HS2ST1: variants seen among roughly 807,000 people sequenced by gnomAD.
The protein encoded by HS2ST1 is heparan sulfate 2-O-sulfotransferase 1, also known as 2-O-sulfotransferase.
In HS2ST1, 18 loss-of-function variants were observed where a neutral mutation model predicts 42.9. That is an observed-to-expected ratio of 0.42 (90% CI 0.29 to 0.62). The LOEUF (loss-of-function observed/expected upper bound fraction) is 0.62. Ranked by LOEUF, HS2ST1 falls within the 20% of genes least tolerant of loss-of-function variation. The probability of loss-of-function intolerance (pLI) is 0.21; values close to 1 mark genes in which losing one functional copy is unlikely to be tolerated. For missense variants in HS2ST1, 334 were observed against 433.8 expected (o/e 0.77, Z 2.04); for synonymous variants, 146 against 152.9 (o/e 0.95, Z 0.33).
chr1:86,991,145 T>TC (rs1398581017), intron 1 of HS2ST1, among the ~76,000 whole-genome samples: 3 of 151,704 alleles, frequency 2.0e-5, no homozygotes, highest in Non-Finnish European at 4.4e-5. Flanking sequence ...GCCCAGTGGG[T>TC]ATTTCTCTTG....
chr1:86,944,307 GA>G (rs1418920235), intron 1 of HS2ST1, among the ~76,000 whole-genome samples: 1 of 152,120 alleles, frequency 6.6e-6, no homozygotes, highest in Non-Finnish European at 1.5e-5. Context: ...TTAAATGCCA[GA>G]ATGACATAAA....
In HS2ST1 at chr1:87,098,924, T is replaced by A. The variant is rs2100654985; in HGVS notation, c.686+989T>A. ...CCTCCCGAATAGCTGGGACTACAGGTGCCTGCACTACCCTGGCTAATTTTT... is the reference window on the plus strand; with the variant it reads ...CCTCCCGAATAGCTGGGACTACAGGAGCCTGCACTACCCTGGCTAATTTTT... On this transcript the variant is annotated intron_variant, in intron 5 of 6. Coordinates refer to ENST00000370550, the MANE Select transcript of HS2ST1 (RefSeq NM_012262.4). 3.3e-5 allele frequency among the ~76,000 whole-genome samples: 5 copies of A among 152,218 alleles called. No homozygotes were observed. The Middle Eastern group carries it at 0.017, about 518-fold the overall frequency.
intron 1 of HS2ST1, among the ~76,000 whole-genome samples, chr1:86,996,670 G>C (rs531633605): frequency 1.1e-4 from 16 of 152,186 alleles, no homozygotes; most frequent in Admixed American, 7.9e-4. Flanking sequence ...AGCATATGGA[G>C]AAACAGACAA....
At chr1:87,002,503 G>A (rs1218328915) in intron 1 of HS2ST1, among the ~76,000 whole-genome samples, 1 of 151,680 alleles carries the variant, frequency 6.6e-6, no homozygotes, top group African/African-American at 2.4e-5. Flanking sequence ...GCTGAGGTGG[G>A]AGGATCACCC....
chr1:86,969,355 C>A (rs1286352959), intron 1 of HS2ST1, among the ~76,000 whole-genome samples: 1 of 152,122 alleles, frequency 6.6e-6, no homozygotes, highest in African/African-American at 2.4e-5. Context: ...GAGCCTTTTT[C>A]TCTACTTGTG....
At chr1:87,022,933 A>C (rs1207766106) in intron 1 of HS2ST1, among the ~76,000 whole-genome samples, 1 of 152,210 alleles carries the variant, frequency 6.6e-6, no homozygotes, top group African/African-American at 2.4e-5. Context: ...ATGTGAGCTC[A>C]TACCTCTGTA....
At chr1:87,076,895 T>C (rs189240769) in intron 2 of HS2ST1, among the ~76,000 whole-genome samples, 82 of 152,334 alleles carry the variant, frequency 5.4e-4, no homozygotes, top group African/African-American at 1.9e-3. Flanking sequence ...AACATGAATT[T>C]TTTTCTTTTT....
intron 1 of HS2ST1, among the ~76,000 whole-genome samples, chr1:86,974,295 A>C (rs1440656508): frequency 1.3e-5 from 2 of 152,146 alleles, no homozygotes; most frequent in East Asian, 3.9e-4. Flanking sequence ...TACCTACATG[A>C]TGAATGCTAA....
In HS2ST1 at chr1:86,946,852, A is replaced by G. The variant is rs187354049; in HGVS notation, c.124+31692A>G. 1.8e-3 allele frequency among the ~76,000 whole-genome samples: 271 copies of G among 152,338 alleles called. 4 individuals carry two copies. Among genetic ancestry groups the G allele is most frequent in the Non-Finnish European group, 2.3e-3 (154 of 68,026 alleles). On this transcript the variant is annotated intron_variant, in intron 1 of 6. Transcript: ENST00000370550. Reference sequence around the variant, plus strand: ...GTTACCATATATGTTCTGAAAAACTATTAGTAAAAAACTTAGACTTGTGAG... The same window carrying G: ...GTTACCATATATGTTCTGAAAAACTGTTAGTAAAAAACTTAGACTTGTGAG...
chr1:87,054,584 A>G (rs899226634), intron 1 of HS2ST1, among the ~76,000 whole-genome samples: 3 of 152,222 alleles, frequency 2.0e-5, no homozygotes, highest in Admixed American at 2.0e-4. Flanking sequence ...ACTATATACC[A>G]GCTATTCATG....
intron 1 of HS2ST1, among the ~76,000 whole-genome samples, chr1:87,035,278 C>T (rs1412767395): frequency 6.6e-6 from 1 of 152,186 alleles, no homozygotes; most frequent in Admixed American, 6.5e-5. Flanking sequence ...GCAGTAGGAA[C>T]TAATTAACCT....
At chr1:86,927,115 A>G (rs1456102977) in intron 1 of HS2ST1, among the ~76,000 whole-genome samples, 2 of 152,142 alleles carry the variant, frequency 1.3e-5, no homozygotes, top group Non-Finnish European at 2.9e-5. Context: ...GGCTGGATAA[A>G]TAGTTCTGTT....
In HS2ST1 at chr1:87,065,875, T is replaced by C. The variant is rs540393955; in HGVS notation, c.125-7059T>C. On this transcript the variant is annotated intron_variant, in intron 1 of 6. Transcript: ENST00000370550. ...TTTTTTGCTTTGGATTTATTACTTA[T>C]CTAGTTGTTATCAATGTATTTCTTT... 6.6e-5 allele frequency among the ~76,000 whole-genome samples: 10 copies of C among 152,360 alleles called. No homozygotes were observed. The South Asian group carries it at 1.0e-3, about 16-fold the overall frequency.
intron 3 of HS2ST1, among the ~76,000 whole-genome samples, chr1:87,090,615 A>G (rs1212410649): frequency 6.6e-6 from 1 of 152,012 alleles, no homozygotes; most frequent in African/African-American, 2.4e-5. Flanking sequence ...GTTTATTCCA[A>G]AACAGCAGCC....
intron 6 of HS2ST1, 25 bp downstream of exon 6, chr1:87,103,614 T>C: frequency 6.8e-7 from 1 of 1,477,010 alleles, no homozygotes; most frequent in Non-Finnish European, 9.0e-7. Flanking sequence ...GGTTTCTTTT[T>C]AAAGCTTTCT....
At chr1:86,915,245 C>T (rs1660119625) in intron 1 of HS2ST1, 85 bp downstream of exon 1, 1 of 1,477,538 alleles carries the variant, frequency 6.8e-7, no homozygotes, top group African/African-American at 1.4e-5. Flanking sequence ...GTTCATCTAA[C>T]CTGGGGTCTG....
chr1:87,095,926 A>T (rs1183426391), intron 4 of HS2ST1, among the ~76,000 whole-genome samples: 2 of 151,754 alleles, frequency 1.3e-5, no homozygotes, highest in African/African-American at 4.8e-5. Flanking sequence ...CATTTTTGCA[A>T]ATCTTTTTAT....
rs571200454 is a variant in HS2ST1 at position 86,940,004 on chromosome 1, T to A, written c.124+24844T>A. ...CAGTTAAACTATTTACTGTTAGCAA[T>A]ATTTTTTTGTAAGCTATTTTTGTAA... On this transcript the variant is annotated intron_variant, in intron 1 of 6. Transcript: ENST00000370550. Among the ~76,000 whole-genome samples the A allele has an allele frequency of 7.9e-5, 12 of 152,318 alleles. 1 individual carries two copies. In the South Asian group the frequency reaches 2.5e-3, roughly 32 times the overall value.
intron 1 of HS2ST1, among the ~76,000 whole-genome samples, chr1:86,918,038 T>C (rs1443168510): frequency 6.6e-6 from 1 of 152,234 alleles, no homozygotes; most frequent in Non-Finnish European, 1.5e-5. Flanking sequence ...AAAGTAGTTA[T>C]TATCATTTTC....
Sources: gnomAD v4.1 joint callset for allele counts (sites outside exome capture counted in the v4.1 genomes callset) on GRCh38, gnomAD v4.1.1 for gene constraint, MANE v1.5 for transcripts, NCBI Gene and HGNC (gene_info 2026-07-23, HGNC 2026-07-21) for gene names.